Variants in RARG observed in about 807,000 individuals in gnomAD.
RARG encodes RAR-gamma.
A neutral mutation model predicts 43.7 loss-of-function variants in RARG; 17 were observed. That is an observed-to-expected ratio of 0.39 (90% confidence interval 0.27 to 0.58). RARG has a LOEUF of 0.58. RARG is among the 20% of genes least tolerant of loss of function. The pLI is 0.57. For missense variants in RARG, 346 were observed against 598.7 expected, an observed-to-expected ratio of 0.58 and a Z score of 4.40; for synonymous variants, 238 against 236.4, an observed-to-expected ratio of 1.01 and a Z score of -0.06.
At chr12:53,222,297 AAGAGAG>A (rs111937808) in intron 3 of RARG, among the ~76,000 whole-genome samples, 99 of 150,408 alleles carry the variant, frequency 6.6e-4, no homozygotes, top group Middle Eastern at 3.4e-3. Flanking sequence ...AGGAGAAAGA[AAGAGAG>A]AGAGAGAGAG....
intron 3 of RARG, among the ~76,000 whole-genome samples, chr12:53,226,270 T>G (rs891594251): frequency 2.6e-5 from 4 of 151,000 alleles, no homozygotes; most frequent in Non-Finnish European, 5.9e-5. Flanking sequence ...TGGGATTACA[T>G]GCATGCGCCA....
At chr12:53,225,612 T>G (rs1943088714) in intron 3 of RARG, among the ~76,000 whole-genome samples, 1 of 152,220 alleles carries the variant, frequency 6.6e-6, no homozygotes, top group African/African-American at 2.4e-5. Flanking sequence ...GTTTATCTTT[T>G]TGTCTTTTTC....
rs112437462 is a variant in RARG at position 53,229,263 on chromosome 12, G to A, written c.-142-1576C>T. On this transcript the variant is annotated intron_variant, in intron 2 of 9. Transcript: ENST00000425354. Reference sequence around the variant, plus strand: ...TGGGGTGGGCAGGCCCAGAGGTAGGGGATGGGTATATCTGCCTTTCTTTCC... The same window carrying A: ...TGGGGTGGGCAGGCCCAGAGGTAGGAGATGGGTATATCTGCCTTTCTTTCC... Among the ~76,000 whole-genome samples the A allele has an allele frequency of 5.1e-3, 769 of 152,268 alleles. 5 individuals carry two copies. Among genetic ancestry groups the A allele is most frequent in the African/African-American group, 0.018 (744 of 41,536 alleles).
At position 53,215,260 on chromosome 12, in the gene RARG, GTGCTCC is replaced by G; in HGVS notation, c.475+27_475+32del. 1 of 1,610,074 alleles carries G rather than the reference GTGCTCC, an allele frequency of 6.2e-7. No individual in the cohort carries two copies. Among genetic ancestry groups the G allele is most frequent in the Non-Finnish European group, 8.5e-7 (1 of 1,177,854 alleles). On this transcript the variant is annotated intron_variant, in intron 5 of 9. Transcript: ENST00000425354. The surrounding 1 kb of genome is among the most constrained non-coding windows in gnomAD (Gnocchi z 6.4). ...GCCACAGCCATAGGGTAGGACCGAA[GTGCTCC>G]TGCCCAAGCCAAGGATGGCAGCCTA...
chr12:53,214,655 T>C, intron 5 of RARG, 49 bp from the exon 6 acceptor site: 1 of 1,535,282 alleles, frequency 6.5e-7, no homozygotes, highest in Non-Finnish European at 8.9e-7. Flanking sequence ...AGAGCCTCCC[T>C]TTGGGTGTCC....
intron 3 of RARG, among the ~76,000 whole-genome samples, chr12:53,221,864 G>A (rs1942975065): frequency 6.6e-6 from 1 of 151,806 alleles, no homozygotes; most frequent in African/African-American, 2.4e-5. Flanking sequence ...CCCGCCAGGC[G>A]GCTGTGGCTG....
In RARG at chr12:53,227,408, G is replaced by A; in HGVS notation, c.138C>T (p.Phe46=). ...GGAGGTCAGGCTGGCCCAGGCCCCG[G>A]AAGCTAGGGCTCAGCATCTCGAAAG... is the stretch of plus-strand genomic sequence containing the variant. ...SPPFEMLSPS[F]RGLGQPDLPK... The change falls in exon 3 of 10, where the codon TTC becomes TTT. Residue 46 remains phenylalanine (F), a synonymous_variant. Coordinates refer to ENST00000425354, the MANE Select transcript of RARG (RefSeq NM_000966.6). The surrounding 1 kb of genome is among the most constrained non-coding windows in gnomAD (Gnocchi z 4.3). 6.2e-7 allele frequency: 1 copy of A among 1,602,390 alleles called. No homozygotes were observed. The highest frequency in any genetic ancestry group is 1.3e-5 in the African/African-American group (1 of 74,472).
chr12:53,230,871 GTGTGTGTGTGTA>G (rs1403484187), intron 2 of RARG, among the ~76,000 whole-genome samples: 101 of 150,528 alleles, frequency 6.7e-4, no homozygotes, highest in African/African-American at 2.4e-3. Context: ...GTGTGTGTGT[GTGTGTGTGTGTA>G]TGTCTGTCTA....
At chr12:53,221,609 C>A (rs888751054) in intron 3 of RARG, among the ~76,000 whole-genome samples, 2 of 152,210 alleles carry the variant, frequency 1.3e-5, no homozygotes, top group African/African-American at 2.4e-5. Context: ...CCTCGCCCGG[C>A]GGAGAAGGGG....
At chr12:53,220,894 A>C (rs1942938585) in intron 3 of RARG, among the ~76,000 whole-genome samples, 1 of 151,424 alleles carries the variant, frequency 6.6e-6, no homozygotes, top group African/African-American at 2.4e-5. Context: ...GACCTGCACT[A>C]CCTCCACCCC....
At position 53,219,525 on chromosome 12, in the gene RARG, C is replaced by G. The variant is rs1433728779; in HGVS notation, c.185-3731G>C. ...ACCCTTGCTCCCACACCCACACCAC[C>G]TAGGCAAGGCGCTGCACACTCCAGG... On this transcript the variant is annotated intron_variant, in intron 3 of 9. Coordinates refer to ENST00000425354, the MANE Select transcript of RARG (RefSeq NM_000966.6). Among the ~76,000 whole-genome samples, 9 of 152,228 alleles carry G rather than the reference C, an allele frequency of 5.9e-5. No homozygotes were observed. The South Asian group carries it at 1.0e-3, about 17-fold the overall frequency.
rs748040852 is a variant in RARG, at chr12:53,227,548, C to A, written c.-3G>T. On this transcript the variant is annotated 5_prime_UTR_variant, in exon 3 of 10. Coordinates refer to ENST00000425354, the MANE Select transcript of RARG (RefSeq NM_000966.6). This position sits in a 1 kb window ranked among gnomAD's most constrained non-coding sequence, Gnocchi z 4.3. Reference sequence around the variant, plus strand: ...AGTCGCTCCTTATTGGTGGCCATGGCAGCTGCGGTGTGAGAGTCCCCTGGG... The same window carrying A: ...AGTCGCTCCTTATTGGTGGCCATGGAAGCTGCGGTGTGAGAGTCCCCTGGG... The A allele has an allele frequency of 7.7e-6, 12 of 1,566,082 alleles. No homozygotes were observed. In the East Asian group the frequency reaches 2.8e-4, roughly 36 times the overall value.
chr12:53,231,826 C>A (rs1002934572), intron 1 of RARG, 148 bp downstream of exon 1: 6 of 378,532 alleles, frequency 1.6e-5, no homozygotes, highest in Non-Finnish European at 2.8e-5. Flanking sequence ...TGGGTCGGGG[C>A]AAGAAGCCCC....
In RARG at chr12:53,211,912, G is replaced by A; in HGVS notation, c.1178-49C>T. 1 of 1,328,760 alleles carries A rather than the reference G, an allele frequency of 7.5e-7. No individual in the cohort carries two copies. Among genetic ancestry groups the A allele is most frequent in the Non-Finnish European group, 9.9e-7 (1 of 1,007,662 alleles). The allele number at this position is 1,328,760 out of a possible 1,614,324, so 82.3% of individuals were successfully genotyped here. A position where few individuals can be genotyped will look rare whatever the true frequency, so the allele number is the denominator to read the frequency against. On this transcript the variant is annotated intron_variant, in intron 9 of 9. Transcript: ENST00000425354. This position sits in a 1 kb window ranked among gnomAD's most constrained non-coding sequence, Gnocchi z 4.6. ...AGGCTCAGGAGGACAGAGGCACATG[G>A]CCCTTAAGGCCATCTCCCTAACCTT...
chr12:53,215,485 C>T lies in RARG; in HGVS notation c.334-51G>A. On this transcript the variant is annotated intron_variant, in intron 4 of 9. Coordinates refer to ENST00000425354, the MANE Select transcript of RARG (RefSeq NM_000966.6). This position sits in a 1 kb window ranked among gnomAD's most constrained non-coding sequence, Gnocchi z 6.4. ...CCTCTGAAGCACAATGCTGGGAGTACCAGCCTCTCACTGGCCTTGCAGGTT... is the reference window on the plus strand; with the variant it reads ...CCTCTGAAGCACAATGCTGGGAGTATCAGCCTCTCACTGGCCTTGCAGGTT... 6.2e-7 allele frequency: 1 copy of T among 1,610,076 alleles called. No homozygotes were observed. Among genetic ancestry groups the T allele is most frequent in the South Asian group, 1.1e-5 (1 of 90,946 alleles).
chr12:53,219,801 C>A, intron 3 of RARG: 1 of 685,018 alleles, frequency 1.5e-6, no homozygotes, highest in Non-Finnish European at 2.3e-6. Flanking sequence ...AAAGGAGACG[C>A]TGAGGCCCCC....
intron 2 of RARG, among the ~76,000 whole-genome samples, chr12:53,229,369 C>T (rs1943178536): frequency 6.6e-6 from 1 of 151,986 alleles, no homozygotes; most frequent in Non-Finnish European, 1.5e-5. Context: ...GTTTTTCTTT[C>T]TCTCCTCTAC....
chr12:53,218,744 T>G (rs888072295), intron 3 of RARG, among the ~76,000 whole-genome samples: 28 of 151,156 alleles, frequency 1.9e-4, no homozygotes, highest in South Asian at 6.3e-4. Context: ...GCGAGGCGCG[T>G]TGGCGGGGGC....
chr12:53,217,632 G>A (rs545251995), intron 3 of RARG, among the ~76,000 whole-genome samples: 8 of 152,292 alleles, frequency 5.3e-5, no homozygotes, highest in African/African-American at 1.9e-4. Flanking sequence ...AATCTGTGAG[G>A]TCAAGGCCCC....
Sources: gnomAD v4.1 joint callset for allele counts (sites outside exome capture counted in the v4.1 genomes callset) on GRCh38, gnomAD v4.1.1 for gene constraint, Gnocchi (gnomAD v3.1) non-coding constraint, MANE v1.5 for transcripts, NCBI Gene and HGNC (gene_info 2026-07-23, HGNC 2026-07-21) for gene names.